Variants in PRKCE observed in about 807,000 individuals in gnomAD.
The protein encoded by PRKCE is protein kinase C epsilon type.
PRKCE carries 16 observed loss-of-function variants against 85.4 expected under a neutral mutation model. That is an observed-to-expected ratio of 0.19 (90% CI 0.13 to 0.28). The LOEUF (loss-of-function observed/expected upper bound fraction) is 0.28, where lower values mean the gene tolerates loss of function less well. Ranked by LOEUF, PRKCE falls within the 10% of genes least tolerant of loss-of-function variation. PRKCE has a pLI of 1.00. For synonymous variants in PRKCE, 388 were observed against 371.5 expected (o/e 1.04, Z -0.51); for missense variants, 573 against 975.2 (o/e 0.59, Z 5.49).
chr2:45,768,530 CA>C (rs1236947110), intron 1 of PRKCE, among the ~76,000 whole-genome samples: 15 of 152,106 alleles, frequency 9.9e-5, no homozygotes, highest in African/African-American at 3.6e-4. Flanking sequence ...GATAGTTGGC[CA>C]GGGGGCTCGA....
intron 1 of PRKCE, among the ~76,000 whole-genome samples, chr2:45,839,243 G>C (rs1691150727): frequency 6.6e-6 from 1 of 152,106 alleles, no homozygotes; most frequent in South Asian, 2.1e-4. Context: ...CTCAGGAAGA[G>C]TAAATAATTG....
intron 11 of PRKCE, among the ~76,000 whole-genome samples, chr2:46,093,530 CTTTT>C (rs56905063): frequency 2.7e-4 from 36 of 131,452 alleles, no homozygotes; most frequent in Admixed American, 3.1e-4. Flanking sequence ...TTGTACTTTT[CTTTT>C]TTTTTTTTTT....
At chr2:46,093,142 T>A (rs1225765680) in intron 11 of PRKCE, among the ~76,000 whole-genome samples, 1 of 152,120 alleles carries the variant, frequency 6.6e-6, no homozygotes, top group Non-Finnish European at 1.5e-5. Flanking sequence ...GACATAAAAT[T>A]CCTAAGGATC....
At chr2:45,794,226 G>A (rs192026787) in intron 1 of PRKCE, among the ~76,000 whole-genome samples, 11 of 152,196 alleles carry the variant, frequency 7.2e-5, no homozygotes, top group Admixed American at 7.2e-4. Flanking sequence ...GGATATCGAC[G>A]TTTTAAAAAG....
chr2:45,874,404 C>T (rs1322334869), intron 2 of PRKCE, among the ~76,000 whole-genome samples: 1 of 152,248 alleles, frequency 6.6e-6, no homozygotes, highest in African/African-American at 2.4e-5. Flanking sequence ...TCCGGCCATC[C>T]TCAGGCTGAG....
intron 1 of PRKCE, among the ~76,000 whole-genome samples, chr2:45,661,134 C>T (rs895091384): frequency 4.6e-5 from 7 of 152,206 alleles, no homozygotes; most frequent in Admixed American, 4.6e-4. Flanking sequence ...ACTCACTGAG[C>T]TCCTGACCCC....
intron 11 of PRKCE, among the ~76,000 whole-genome samples, chr2:46,118,565 A>C (rs1672996557): frequency 6.6e-6 from 1 of 152,246 alleles, no homozygotes; most frequent in African/African-American, 2.4e-5. Context: ...ACAAAAGAGA[A>C]AAATGGAGAT....
intron 1 of PRKCE, among the ~76,000 whole-genome samples, chr2:45,685,863 C>T (rs777689997): frequency 1.2e-4 from 18 of 152,266 alleles, no homozygotes; most frequent in African/African-American, 4.3e-4. Context: ...ATAGAACTCA[C>T]GAAGATCCTG....
intron 2 of PRKCE, among the ~76,000 whole-genome samples, chr2:45,849,955 C>T (rs567522414): frequency 1.3e-5 from 2 of 152,264 alleles, no homozygotes; most frequent in Admixed American, 6.5e-5. Flanking sequence ...AAACAGTGAG[C>T]ACCAAGCCCC....
In PRKCE at chr2:46,068,004, G is replaced by T. The variant is rs1043569614; in HGVS notation, c.1438-18204G>T. ...CGTTGAAGGCAGGGTTTCCTTACTGGCTTACTGATTATATCACTCGCGAAG... is the reference window on the plus strand; with the variant it reads ...CGTTGAAGGCAGGGTTTCCTTACTGTCTTACTGATTATATCACTCGCGAAG... On this transcript the variant is annotated intron_variant, in intron 10 of 14. Transcript: ENST00000306156. This position sits in a 1 kb window ranked among gnomAD's most constrained non-coding sequence, Gnocchi z 4.3. 3.9e-5 allele frequency among the ~76,000 whole-genome samples: 6 copies of T among 152,080 alleles called. No individual in the cohort carries two copies. The highest frequency in any genetic ancestry group is 8.8e-5 in the Non-Finnish European group (6 of 68,030).
At chr2:46,008,346 G>A (rs959601068) in intron 9 of PRKCE, among the ~76,000 whole-genome samples, 4 of 152,202 alleles carry the variant, frequency 2.6e-5, no homozygotes, top group African/African-American at 9.7e-5. Flanking sequence ...CCACCATTCC[G>A]ATGGCTGGGT....
intron 12 of PRKCE, among the ~76,000 whole-genome samples, chr2:46,149,824 G>C (rs993758443): frequency 2.0e-5 from 3 of 150,962 alleles, no homozygotes; most frequent in African/African-American, 7.3e-5. Flanking sequence ...TGTGTATGGA[G>C]AGCAGATCAA....
chr2:45,971,822 G>A (rs1369079894), intron 2 of PRKCE, among the ~76,000 whole-genome samples: 2 of 152,178 alleles, frequency 1.3e-5, no homozygotes, highest in Non-Finnish European at 2.9e-5. Context: ...TTGTGTGTAT[G>A]TGATGAATAC....
At chr2:46,168,663 A>G (rs1167571687) in intron 14 of PRKCE, among the ~76,000 whole-genome samples, 1 of 152,214 alleles carries the variant, frequency 6.6e-6, no homozygotes, top group Non-Finnish European at 1.5e-5. Flanking sequence ...TGATAATGCA[A>G]AATACTTAAG....
At chr2:46,141,477 T>C (rs1675523470) in intron 11 of PRKCE, among the ~76,000 whole-genome samples, 1 of 152,092 alleles carries the variant, frequency 6.6e-6, no homozygotes, top group African/African-American at 2.4e-5. Flanking sequence ...TAAAAAGAAA[T>C]CGCCTGTAGA....
intron 1 of PRKCE, among the ~76,000 whole-genome samples, chr2:45,758,024 A>C (rs561096445): frequency 6.6e-6 from 1 of 152,326 alleles, no homozygotes; most frequent in South Asian, 2.1e-4. Context: ...GCAAGGCCTA[A>C]AAGACGGAAT....
chr2:45,692,434 TCTC>T (rs1280374390), intron 1 of PRKCE, among the ~76,000 whole-genome samples: 4 of 152,102 alleles, frequency 2.6e-5, no homozygotes, highest in African/African-American at 9.7e-5. Context: ...CTCCCTGTCT[TCTC>T]CTCTTCTTAT....
In PRKCE at chr2:45,774,274, C is replaced by T. The variant is rs539609209; in HGVS notation, c.349-68726C>T. ...TCTCAGCAGCTGCTTCACAGCCTCA[C>T]GGGAGGTGATCGGACACCAGCCTGG... On this transcript the variant is annotated intron_variant, in intron 1 of 14. Coordinates refer to ENST00000306156, the MANE Select transcript of PRKCE (RefSeq NM_005400.3). The surrounding 1 kb of genome is among the most constrained non-coding windows in gnomAD (Gnocchi z 4.3). Among the ~76,000 whole-genome samples the T allele has an allele frequency of 1.4e-4, 22 of 152,276 alleles. No individual in the cohort carries two copies. Among genetic ancestry groups the T allele is most frequent in the African/African-American group, 5.1e-4 (21 of 41,556 alleles).
intron 11 of PRKCE, among the ~76,000 whole-genome samples, chr2:46,093,315 G>A (rs917071154): frequency 6.6e-6 from 1 of 152,052 alleles, no homozygotes; most frequent in Non-Finnish European, 1.5e-5. Context: ...TACACAATGA[G>A]ATAGTATAAA....
Sources: allele counts gnomAD v4.1 joint callset (sites outside exome capture counted in the v4.1 genomes callset), GRCh38; gene constraint gnomAD v4.1.1; non-coding constraint Gnocchi (gnomAD v3.1); transcripts MANE v1.5; gene names NCBI Gene and HGNC (gene_info 2026-07-23, HGNC 2026-07-21).